The following C9orf153 variants were observed in gnomAD, a reference collection of about 807,000 sequenced individuals.
C9orf153 encodes chromosome 9 open reading frame 153, also known as uncharacterized protein C9orf153.
C9orf153 carries 10 observed loss-of-function variants against 9.0 expected under a neutral mutation model. The observed-to-expected ratio is 1.11, with a 90% CI of 0.69 to 1.89. The LOEUF (loss-of-function observed/expected upper bound fraction) is 1.89. C9orf153 is among the 40% of genes most tolerant of loss of function. The pLI is 0.00. For missense variants in C9orf153, 108 were observed against 111.0 expected (o/e 0.97, Z 0.12); for synonymous variants, 35 against 37.3 (o/e 0.94, Z 0.23).
At chr9:86,227,355 G>A in intron 3 of C9orf153, 1 of 1,523,636 alleles carries the variant, frequency 6.6e-7, no homozygotes, top group African/African-American at 1.4e-5. Context: ...TTTTGGAGAT[G>A]GGGTCTTTCT....
intron 1 of C9orf153, among the ~76,000 whole-genome samples, chr9:86,234,055 C>G (rs981007171): frequency 4.6e-4 from 70 of 152,068 alleles, no homozygotes; most frequent in African/African-American, 1.5e-3. Flanking sequence ...TGCACTCCAG[C>G]CTGGAGAAAG....
At chr9:86,245,249 A>ATTTTTAATTGTGGTATTTTAATTTT (rs1418725826) in intron 1 of C9orf153, among the ~76,000 whole-genome samples, 26 of 152,166 alleles carry the variant, frequency 1.7e-4, no homozygotes, top group Admixed American at 2.0e-4. Context: ...TAAACATTTT[A>ATTTTTAATTGTGGTATTTTAATTTT]TTTTTAATTG....
At chr9:86,228,647 A>C (rs1195547244) in intron 2 of C9orf153, among the ~76,000 whole-genome samples, 3 of 152,178 alleles carry the variant, frequency 2.0e-5, no homozygotes, top group Non-Finnish European at 4.4e-5. Flanking sequence ...CTAAAATCCT[A>C]TACTTCCTAC....
chr9:86,229,409 T>C, intron 2 of C9orf153, 129 bp downstream of exon 2: 1 of 622,956 alleles, frequency 1.6e-6, no homozygotes, highest in Non-Finnish European at 2.8e-6. Flanking sequence ...TGTTAAGTCA[T>C]TAAAGTGACA....
intron 3 of C9orf153, among the ~76,000 whole-genome samples, chr9:86,222,332 G>A (rs1320613841): frequency 1.3e-5 from 2 of 152,120 alleles, no homozygotes; most frequent in Non-Finnish European, 2.9e-5. Flanking sequence ...TTCATTCTGT[G>A]CTTGGATCCT....
At chr9:86,244,296 A>G (rs1252156440) in intron 1 of C9orf153, among the ~76,000 whole-genome samples, 1 of 152,038 alleles carries the variant, frequency 6.6e-6, no homozygotes, top group African/African-American at 2.4e-5. Context: ...CTGGTCTCCA[A>G]CTCTTGGCCT....
At chr9:86,232,508 G>A (rs996475283) in intron 1 of C9orf153, among the ~76,000 whole-genome samples, 4 of 151,982 alleles carry the variant, frequency 2.6e-5, no homozygotes, top group South Asian at 4.2e-4. Context: ...TCTCTTCATC[G>A]TTACTCCCAC....
At chr9:86,252,656 G>A (rs1309606047) in intron 1 of C9orf153, among the ~76,000 whole-genome samples, 1 of 152,116 alleles carries the variant, frequency 6.6e-6, no homozygotes, top group Admixed American at 6.5e-5. Flanking sequence ...AATAAGAAAT[G>A]GTGTTTAACA....
At position 86,228,036 on chromosome 9, in the gene C9orf153, G is replaced by GA. The variant is rs1563997620; in HGVS notation, c.67-7dup. 9.1e-6 allele frequency: 14 copies of GA among 1,546,870 alleles called. No homozygotes were observed. In the Admixed American group the frequency reaches 1.2e-4, roughly 14 times the overall value. On this transcript the variant is annotated splice_polypyrimidine_tract_variant and splice_region_variant and intron_variant, in intron 2 of 3. Transcript: ENST00000339137. ...CATGCATATAATTCTGGAAGCTGTG[G>GA]ACAAAAAAAAAAGTGGTAAGTCACG...
At chr9:86,229,680 T>G (rs1402220162) in intron 1 of C9orf153, 51 bp from the exon 2 acceptor site, 3 of 1,129,228 alleles carry the variant, frequency 2.7e-6, no homozygotes, top group Non-Finnish European at 3.9e-6. Flanking sequence ...AAAAATCAGA[T>G]AGAATACAAA....
chr9:86,235,716 TG>T (rs1824568886), intron 1 of C9orf153, among the ~76,000 whole-genome samples: 1 of 109,994 alleles, frequency 9.1e-6, no homozygotes. Context: ...CACTCCAGCC[TG>T]GGTGACAGAG....
At chr9:86,255,923 G>A (rs539702540) in intron 1 of C9orf153, among the ~76,000 whole-genome samples, 3 of 152,302 alleles carry the variant, frequency 2.0e-5, no homozygotes, top group Admixed American at 6.5e-5. Context: ...GGGACTTGGG[G>A]AAGGAGAACT....
At chr9:86,241,422 TG>T (rs1824741238) in intron 1 of C9orf153, among the ~76,000 whole-genome samples, 2 of 152,226 alleles carry the variant, frequency 1.3e-5, no homozygotes, top group East Asian at 3.9e-4. Flanking sequence ...TAGCTTTGGT[TG>T]TGGGAGGGAG....
At chr9:86,256,304 C>A (rs1267413701) in intron 1 of C9orf153, among the ~76,000 whole-genome samples, 1 of 152,192 alleles carries the variant, frequency 6.6e-6, no homozygotes, top group Non-Finnish European at 1.5e-5. Context: ...CTGTCTCCAT[C>A]ATTATTTTAG....
At chr9:86,253,517 C>T (rs1262729446) in intron 1 of C9orf153, among the ~76,000 whole-genome samples, 2 of 152,150 alleles carry the variant, frequency 1.3e-5, no homozygotes, top group African/African-American at 4.8e-5. Context: ...ATTTGAAATT[C>T]TTTATGAAAA....
chr9:86,254,893 C>G (rs531403385), intron 1 of C9orf153, among the ~76,000 whole-genome samples: 2 of 152,014 alleles, frequency 1.3e-5, no homozygotes, highest in Non-Finnish European at 2.9e-5. Context: ...GGTGAAACCC[C>G]GTCTCTTCCA....
intron 1 of C9orf153, among the ~76,000 whole-genome samples, chr9:86,242,911 T>A (rs1824779802): frequency 6.6e-6 from 1 of 152,194 alleles, no homozygotes; most frequent in Non-Finnish European, 1.5e-5. Flanking sequence ...ACTCCTGACC[T>A]CAGGTGATCC....
Position 86,239,242 on chromosome 9 carries a change from A to C in C9orf153, c.-26-9613T>G, listed in dbSNP as rs1287744042. On this transcript the variant is annotated intron_variant, in intron 1 of 3. Coordinates refer to ENST00000339137, the MANE Select transcript of C9orf153 (RefSeq NM_001276366.4). ...TGCCACTGCACTCCAGCCTGGCGAC[A>C]GAGTGAGACTCTGTTAAAAAAAAAA... Among the ~76,000 whole-genome samples the C allele has an allele frequency of 3.3e-5, 5 of 150,452 alleles. No homozygotes were observed. The East Asian group carries it at 9.9e-4, about 30-fold the overall frequency.
At chr9:86,255,174 CTA>C (rs2131210117) in intron 1 of C9orf153, among the ~76,000 whole-genome samples, 1 of 137,410 alleles carries the variant, frequency 7.3e-6, no homozygotes, top group South Asian at 2.4e-4. Flanking sequence ...ACTCCTTTGC[CTA>C]TCTCTATCTA....
Sources: allele counts gnomAD v4.1 joint callset (sites outside exome capture counted in the v4.1 genomes callset), GRCh38; gene constraint gnomAD v4.1.1; transcripts MANE v1.5; gene names NCBI Gene and HGNC (gene_info 2026-07-23, HGNC 2026-07-21).